FARP1: variants seen among roughly 807,000 people sequenced by gnomAD.
FARP1 encodes FERM, ARH/RhoGEF and pleckstrin domain protein 1.
A neutral mutation model predicts 128.8 loss-of-function variants in FARP1; 52 were observed. The ratio of observed to expected loss-of-function variants is 0.40; its 90% CI spans 0.32 to 0.51. FARP1 has a LOEUF of 0.51. Among genes scored for constraint, FARP1 ranks in the 20% least tolerant of loss-of-function variants. FARP1 has a pLI of 0.45. For missense variants in FARP1, 1,333 were observed against 1,367.9 expected (o/e 0.97, Z 0.40); for synonymous variants, 580 against 551.8 (o/e 1.05, Z -0.72).
At chr13:98,161,239 G>A (rs1876862773) in intron 1 of FARP1, among the ~76,000 whole-genome samples, 1 of 146,124 alleles carries the variant, frequency 6.8e-6, no homozygotes. Context: ...TTTTGAGATG[G>A]AGCTTTGCTC....
At chr13:98,434,458 A>C (rs1892172849) in intron 18 of FARP1, 1 of 152,186 alleles carries the variant, frequency 6.6e-6, no homozygotes, top group East Asian at 1.9e-4. Context: ...TTCCCTTCCA[A>C]CACTGAAATG....
chr13:98,274,274 C>A (rs1197478620), intron 2 of FARP1, among the ~76,000 whole-genome samples: 1 of 152,088 alleles, frequency 6.6e-6, no homozygotes, highest in East Asian at 1.9e-4. Context: ...TCCCTGGAGG[C>A]TTTGTTGGCG....
At chr13:98,209,855 G>A (rs1880565882) in intron 1 of FARP1, among the ~76,000 whole-genome samples, 3 of 136,506 alleles carry the variant, frequency 2.2e-5, no homozygotes, top group South Asian at 2.5e-4. Flanking sequence ...GGTGGTGCAC[G>A]CCTGTAATCC....
At chr13:98,306,381 CT>C (rs1216701239) in intron 2 of FARP1, among the ~76,000 whole-genome samples, 1 of 152,214 alleles carries the variant, frequency 6.6e-6, no homozygotes, top group Admixed American at 6.5e-5. Flanking sequence ...GTGCTAGACA[CT>C]TTACATGTTC....
intron 2 of FARP1, among the ~76,000 whole-genome samples, chr13:98,305,377 G>T (rs2139715893): frequency 6.6e-6 from 1 of 151,862 alleles, no homozygotes; most frequent in Non-Finnish European, 1.5e-5. Context: ...GCCAAGGCTG[G>T]AGTGCAAAGA....
intron 1 of FARP1, among the ~76,000 whole-genome samples, chr13:98,149,729 CTTTTTTT>C (rs71120307): frequency 7.6e-3 from 396 of 52,428 alleles, no homozygotes; most frequent in African/African-American, 0.015. Flanking sequence ...TAGATATTTA[CTTTTTTT>C]TTTTTTTTTT....
At position 98,385,726 on chromosome 13, in the gene FARP1, T is replaced by G; in HGVS notation, c.671T>G (p.Met224Arg). 6.2e-7 allele frequency: 1 copy of G among 1,614,176 alleles called. No homozygotes were observed. The highest frequency in any genetic ancestry group is 2.2e-5 in the East Asian group (1 of 44,886). The part of the protein sequence containing the change: ...QLLEIARRLE[M>R]YGIRLHPAKD... ...CTAGAGATTGCCCGTCGGCTAGAGA[T>G]GTATGGAATCCGGTTGCACCCGGCC... Residue 224 changes from methionine (M) to arginine (R), a missense_variant, in exon 8 of 27, where the codon ATG (methionine) becomes AGG (arginine). Coordinates refer to ENST00000319562, the MANE Select transcript of FARP1 (RefSeq NM_005766.4).
chr13:98,385,045 G>A (rs187128392), intron 7 of FARP1, among the ~76,000 whole-genome samples: 2 of 152,276 alleles, frequency 1.3e-5, no homozygotes, highest in African/African-American at 2.4e-5. Flanking sequence ...ACTGAAGCCT[G>A]GAGTTTAAGG....
At chr13:98,210,416 G>C (rs1280752226) in intron 1 of FARP1, among the ~76,000 whole-genome samples, 1 of 151,990 alleles carries the variant, frequency 6.6e-6, no homozygotes. Flanking sequence ...TCCCAGACAG[G>C]ACAACCCACA....
At chr13:98,187,122 A>G (rs1878932016) in intron 1 of FARP1, among the ~76,000 whole-genome samples, 1 of 150,736 alleles carries the variant, frequency 6.6e-6, no homozygotes. Flanking sequence ...GCAATTCTAT[A>G]TTTAATTTTT....
At position 98,224,152 on chromosome 13, in the gene FARP1, C is replaced by T. The variant is rs939711793; in HGVS notation, c.171+10739C>T. The stretch of plus-strand genomic sequence containing the variant: ...TTGTGGAGTTGTTAGGTTATCACAA[C>T]AATACCTTTTTTCATGTTTGAAAGC... On this transcript the variant is annotated intron_variant, in intron 2 of 26. Coordinates refer to ENST00000319562, the MANE Select transcript of FARP1 (RefSeq NM_005766.4). Among the ~76,000 whole-genome samples the T allele has an allele frequency of 3.3e-5, 5 of 152,168 alleles. 1 individual carries two copies. The highest frequency in any genetic ancestry group is 1.2e-4 in the African/African-American group (5 of 41,452).
Position 98,409,249 on chromosome 13 carries a change from G to A in FARP1, c.1415-89G>A, listed in dbSNP as rs532365536. Reference sequence around the variant, plus strand: ...CCATGGCGGGGTAGTCAAATCTTACGATTTGAAAAAGGTGAAAGTAGTGAA... The same window carrying A: ...CCATGGCGGGGTAGTCAAATCTTACAATTTGAAAAAGGTGAAAGTAGTGAA... On this transcript the variant is annotated intron_variant, in intron 13 of 26. Coordinates refer to ENST00000319562, the MANE Select transcript of FARP1 (RefSeq NM_005766.4). The A allele has an allele frequency of 6.5e-5, 69 of 1,066,610 alleles. No homozygotes were observed. The South Asian group carries it at 1.0e-3, about 16-fold the overall frequency. 66.1% of individuals were successfully genotyped at this position (1,066,610 alleles called of 1,614,324 possible). A position where few individuals can be genotyped will look rare whatever the true frequency, so the allele number is the denominator to read the frequency against.
chr13:98,288,276 A>C (rs1202939332), intron 2 of FARP1, among the ~76,000 whole-genome samples: 1 of 152,156 alleles, frequency 6.6e-6, no homozygotes, highest in Non-Finnish European at 1.5e-5. Context: ...GTTATTCTTC[A>C]GTGGTTTTCC....
chr13:98,384,419 C>T (rs1354375277), intron 6 of FARP1: 1 of 306,832 alleles, frequency 3.3e-6, no homozygotes, highest in Non-Finnish European at 6.1e-6. Context: ...TCTCGAACTC[C>T]TGACCTCAAG....
chr13:98,335,648 T>C (rs913157340), intron 2 of FARP1, among the ~76,000 whole-genome samples: 2 of 152,192 alleles, frequency 1.3e-5, no homozygotes, highest in Non-Finnish European at 2.9e-5. Context: ...GCATAGTGAC[T>C]GCACACTGCA....
chr13:98,431,055 C>G lies in FARP1; in HGVS notation c.1918C>G (p.His640Asp), dbSNP rs754400207. 1.9e-6 allele frequency: 3 copies of G among 1,613,290 alleles called. No individual in the cohort carries two copies. Among genetic ancestry groups the G allele is most frequent in the Non-Finnish European group, 2.5e-6 (3 of 1,179,378 alleles). ...NIQGMKHLAA[H>D]LWKHSEALEA... ...GTTGCCTCCCAAGCACCTGGCGGCT[C>G]ACCTGTGGAAGCACAGCGAGGCCTT... is the stretch of plus-strand genomic sequence containing the variant. The change falls in exon 18 of 27, where the codon CAC (histidine) becomes GAC (aspartate). Residue 640 changes from histidine to aspartate, a missense_variant. Transcript: ENST00000319562.
chr13:98,307,918 A>T (rs1886238580), intron 2 of FARP1, among the ~76,000 whole-genome samples: 1 of 152,148 alleles, frequency 6.6e-6, no homozygotes, highest in Non-Finnish European at 1.5e-5. Flanking sequence ...CAAGGCACGC[A>T]AGATCGTTTA....
chr13:98,444,565 A>G (rs1240541205), intron 24 of FARP1, among the ~76,000 whole-genome samples: 1 of 152,176 alleles, frequency 6.6e-6, no homozygotes, highest in South Asian at 2.1e-4. Flanking sequence ...AACACGCTGG[A>G]GGCCAGGATG....
At chr13:98,424,541 T>C in intron 16 of FARP1, 31 bp from the exon 17 acceptor site, 1 of 1,459,408 alleles carries the variant, frequency 6.9e-7, no homozygotes, top group South Asian at 1.1e-5. Context: ...ACTGATGCTT[T>C]GTATTTCCAA....
Sources: gnomAD v4.1 joint callset for allele counts (sites outside exome capture counted in the v4.1 genomes callset) on GRCh38, gnomAD v4.1.1 for gene constraint, MANE v1.5 for transcripts, NCBI Gene and HGNC (gene_info 2026-07-23, HGNC 2026-07-21) for gene names.